The following TMEM131L variants were observed in gnomAD, a reference collection of about 807,000 sequenced individuals.
TMEM131L encodes the protein transmembrane 131 like.
Under a neutral mutation model 192.2 loss-of-function variants are expected in TMEM131L, and 54 were observed. That is an observed-to-expected ratio of 0.28 (90% CI 0.23 to 0.35). TMEM131L has a LOEUF of 0.35. Ranked by LOEUF, TMEM131L falls within the 10% of genes least tolerant of loss-of-function variation. The probability of loss-of-function intolerance (pLI) is 1.00; values close to 1 mark genes in which losing one functional copy is unlikely to be tolerated. For missense variants in TMEM131L, 1,888 were observed against 1,972.9 expected, an observed-to-expected ratio of 0.96 and a Z score of 0.82; for synonymous variants, 701 against 704.9, an observed-to-expected ratio of 0.99 and a Z score of 0.09.
intron 7 of TMEM131L, among the ~76,000 whole-genome samples, chr4:153,574,554 T>C (rs908085416): frequency 6.6e-6 from 1 of 152,222 alleles, no homozygotes; most frequent in African/African-American, 2.4e-5. Context: ...AGCAGTCAGA[T>C]GGCTTATACA....
chr4:153,466,544 C>A (rs754192685), intron 1 of TMEM131L, 23 bp downstream of exon 1: 8 of 1,307,062 alleles, frequency 6.1e-6, no homozygotes, highest in Non-Finnish European at 7.8e-6. Flanking sequence ...CCGCTGGGCT[C>A]GCTCTGCCTC....
chr4:153,567,705 C>T (rs1729317833), intron 7 of TMEM131L, among the ~76,000 whole-genome samples: 2 of 152,114 alleles, frequency 1.3e-5, no homozygotes, highest in African/African-American at 4.8e-5. Flanking sequence ...CCACCACACC[C>T]AGCTAATTTT....
chr4:153,603,202 A>T lies in TMEM131L; in HGVS notation c.2640-101A>T, dbSNP rs1435161209. On this transcript the variant is annotated intron_variant, in intron 23 of 34. Coordinates refer to ENST00000409959, the MANE Select transcript of TMEM131L (RefSeq NM_001131007.2). ...GGGAATTTTAATACTGCATCTTCAG[A>T]TGTTTTTCGTAAATCATTCCCCACT... is the stretch of plus-strand genomic sequence containing the variant. The T allele has an allele frequency of 9.3e-6, 9 of 966,960 alleles. No individual in the cohort carries two copies. The African/African-American group carries it at 1.3e-4, about 14-fold the overall frequency. The allele number at this position is 966,960 out of a possible 1,614,324, so 59.9% of individuals were successfully genotyped here. A position where few individuals can be genotyped will look rare whatever the true frequency, so the allele number is the denominator to read the frequency against.
chr4:153,542,364 C>T (rs953221222), intron 3 of TMEM131L, among the ~76,000 whole-genome samples: 4 of 150,826 alleles, frequency 2.7e-5, no homozygotes, highest in Non-Finnish European at 5.9e-5. Context: ...CTTGATTTCG[C>T]AGGCTGTGAT....
At chr4:153,469,429 A>G (rs994738620) in intron 2 of TMEM131L, among the ~76,000 whole-genome samples, 2 of 152,068 alleles carry the variant, frequency 1.3e-5, no homozygotes, top group African/African-American at 4.8e-5. Context: ...AGTATTTTGA[A>G]TTTTTTCAGC....
rs185862973 is a variant in TMEM131L at position 153,550,483 on chromosome 4, C to T, written c.308+342C>T. Among the ~76,000 whole-genome samples the T allele has an allele frequency of 9.2e-4, 140 of 152,132 alleles. 1 individual carries two copies. Among genetic ancestry groups the T allele is most frequent in the Middle Eastern group, 3.4e-3 (1 of 294 alleles). On this transcript the variant is annotated intron_variant, in intron 4 of 34. Transcript: ENST00000409959. ...CTGGGACTACAGGCACCCGCCACCA[C>T]GCCCGGCTAATTTTTTGTGTTTTTA...
intron 25 of TMEM131L, 60 bp downstream of exon 25, chr4:153,604,490 G>A: frequency 6.8e-7 from 1 of 1,475,456 alleles, no homozygotes; most frequent in Non-Finnish European, 9.2e-7. Flanking sequence ...GTTTTTAATG[G>A]AATTGTTCTC....
chr4:153,580,787 TTTAC>T (rs778094732), intron 7 of TMEM131L, 35 bp from the exon 8 acceptor site: 1 of 1,263,596 alleles, frequency 7.9e-7, no homozygotes, highest in Non-Finnish European at 1.2e-6. Context: ...GATTGAGCCT[TTTAC>T]TTAAAGTTCT....
chr4:153,575,550 C>G (rs1298286345), intron 7 of TMEM131L, among the ~76,000 whole-genome samples: 3 of 151,998 alleles, frequency 2.0e-5, no homozygotes, highest in African/African-American at 7.3e-5. Flanking sequence ...TACCTAGCCC[C>G]AAGATCTTTG....
chr4:153,614,879 T>A (rs1052940888), intron 26 of TMEM131L, among the ~76,000 whole-genome samples: 10 of 152,152 alleles, frequency 6.6e-5, no homozygotes, highest in African/African-American at 2.4e-4. Flanking sequence ...GAGAAAACCA[T>A]CAGGACTTCT....
At chr4:153,525,075 G>T (rs1349632341) in intron 3 of TMEM131L, among the ~76,000 whole-genome samples, 1 of 152,208 alleles carries the variant, frequency 6.6e-6, no homozygotes, top group African/African-American at 2.4e-5. Flanking sequence ...GATGCTGAGT[G>T]TAATAGCACA....
chr4:153,586,419 A>G, intron 14 of TMEM131L, 40 bp downstream of exon 14: 1 of 1,446,930 alleles, frequency 6.9e-7, no homozygotes, highest in East Asian at 2.5e-5. Context: ...CAGTTTTCTT[A>G]ATTACTGTTG....
chr4:153,490,953 C>CAAA (rs3040164), intron 3 of TMEM131L, among the ~76,000 whole-genome samples: 14 of 82,042 alleles, frequency 1.7e-4, no homozygotes, highest in Non-Finnish European at 2.4e-4. Context: ...GACTCTGTCT[C>CAAA]AAAAAAAAAA....
chr4:153,564,062 G>A (rs1446243440), intron 7 of TMEM131L, among the ~76,000 whole-genome samples: 3 of 151,840 alleles, frequency 2.0e-5, no homozygotes, highest in Non-Finnish European at 4.4e-5. Flanking sequence ...GCCGAGGTGG[G>A]CAGATTACCT....
chr4:153,569,406 C>A (rs563316849), intron 7 of TMEM131L, among the ~76,000 whole-genome samples: 93 of 152,234 alleles, frequency 6.1e-4, no homozygotes, highest in Non-Finnish European at 8.7e-4. Context: ...CACTAATAAT[C>A]TGCCCCAAGG....
chr4:153,612,998 G>A (rs1732741186), intron 26 of TMEM131L, among the ~76,000 whole-genome samples: 1 of 152,108 alleles, frequency 6.6e-6, no homozygotes, highest in Admixed American at 6.6e-5. Context: ...ACAAACTTAA[G>A]CTTGCCTCAG....
intron 3 of TMEM131L, among the ~76,000 whole-genome samples, chr4:153,537,110 T>C (rs560058974): frequency 6.6e-6 from 1 of 152,322 alleles, no homozygotes; most frequent in South Asian, 2.1e-4. Flanking sequence ...CCAGGATCAA[T>C]ACTCTGCATC....
At chr4:153,550,724 A>G (rs1028941249) in intron 4 of TMEM131L, among the ~76,000 whole-genome samples, 9 of 108,844 alleles carry the variant, frequency 8.3e-5, no homozygotes, top group African/African-American at 7.5e-4. Flanking sequence ...TTATTTTATA[A>G]TGAAAAACTA....
At chr4:153,525,765 G>T (rs1735425249) in intron 3 of TMEM131L, among the ~76,000 whole-genome samples, 1 of 152,158 alleles carries the variant, frequency 6.6e-6, no homozygotes, top group South Asian at 2.1e-4. Context: ...AAATATTAAG[G>T]CGCACAGGAA....
Sources: allele counts gnomAD v4.1 joint callset (sites outside exome capture counted in the v4.1 genomes callset), GRCh38; gene constraint gnomAD v4.1.1; transcripts MANE v1.5; gene names NCBI Gene and HGNC (gene_info 2026-07-23, HGNC 2026-07-21).